The following DLGAP2 variants were observed in gnomAD, a reference collection of about 807,000 sequenced individuals.
DLGAP2 encodes disks large-associated protein 2.
A neutral mutation model predicts 100.3 loss-of-function variants in DLGAP2; 26 were observed. That is an observed-to-expected ratio of 0.26 (90% CI 0.19 to 0.36). The LOEUF is 0.36. Ranked by LOEUF, DLGAP2 falls within the 10% of genes least tolerant of loss-of-function variation. The pLI, the probability that DLGAP2 is intolerant of heterozygous loss-of-function variation, is 1.00. For synonymous variants in DLGAP2, 886 were observed against 630.1 expected, an observed-to-expected ratio of 1.41 and a Z score of -6.08; for missense variants, 1,858 against 1,453.2, an observed-to-expected ratio of 1.28 and a Z score of -4.53.
rs549808877 is a variant in DLGAP2, at chr8:980,907, G to T, written c.73+72941G>T. Among the ~76,000 whole-genome samples, 3 of 152,288 alleles carry T rather than the reference G, an allele frequency of 2.0e-5. No homozygotes were observed. In the South Asian group the frequency reaches 6.2e-4, roughly 32 times the overall value. ...TAGACTGAGGAGCTGAGACATTCGTGTGATAGTGGCAAAATGTACATAACA... is the reference window on the plus strand; with the variant it reads ...TAGACTGAGGAGCTGAGACATTCGTTTGATAGTGGCAAAATGTACATAACA... On this transcript the variant is annotated intron_variant, in intron 2 of 14. Coordinates refer to ENST00000637795, the MANE Select transcript of DLGAP2 (RefSeq NM_001346810.2).
chr8:1,624,709 G>A (rs192576088), intron 6 of DLGAP2, among the ~76,000 whole-genome samples: 3 of 152,072 alleles, frequency 2.0e-5, no homozygotes, highest in Admixed American at 6.6e-5. Flanking sequence ...TGCTGGTGCC[G>A]GTCCCCACAT....
chr8:950,534 C>G (rs191041747), intron 2 of DLGAP2, among the ~76,000 whole-genome samples: 17 of 152,002 alleles, frequency 1.1e-4, no homozygotes, highest in Admixed American at 9.2e-4. Context: ...ATTGTAAGAG[C>G]GAAATCTAAA....
At chr8:1,066,366 A>C (rs1049944643) in intron 2 of DLGAP2, among the ~76,000 whole-genome samples, 1 of 149,256 alleles carries the variant, frequency 6.7e-6, no homozygotes, top group African/African-American at 2.5e-5. Context: ...GGTCTGAGTG[A>C]GGACAGTTCC....
intron 1 of DLGAP2, among the ~76,000 whole-genome samples, chr8:792,999 T>C (rs1795949165): frequency 6.6e-6 from 1 of 152,228 alleles, no homozygotes; most frequent in Non-Finnish European, 1.5e-5. Context: ...TGAGATGATG[T>C]GAGCTTTAGT....
At chr8:1,139,958 G>C (rs1029326807) in intron 2 of DLGAP2, among the ~76,000 whole-genome samples, 6 of 152,194 alleles carry the variant, frequency 3.9e-5, no homozygotes, top group Non-Finnish European at 5.9e-5. Flanking sequence ...GCTTGAACTT[G>C]GATATTCTGG....
intron 3 of DLGAP2, among the ~76,000 whole-genome samples, chr8:1,330,565 G>A (rs1801129959): frequency 1.3e-5 from 2 of 149,622 alleles, no homozygotes; most frequent in South Asian, 4.3e-4. Context: ...GCTTCACAGG[G>A]ACTGAGTTCT....
intron 2 of DLGAP2, among the ~76,000 whole-genome samples, chr8:1,237,301 CTGTCTCACACAGAGCATCGTGTCTAGT>C (rs1798682311): frequency 7.6e-6 from 1 of 130,822 alleles, no homozygotes; most frequent in African/African-American, 3.4e-5. Flanking sequence ...ATGTCTAGTT[CTGTCTCACACAGAGCATCGTGTCTAGT>C]TCTCTCACAT....
intron 4 of DLGAP2, among the ~76,000 whole-genome samples, chr8:1,506,186 A>G (rs1445787937): frequency 6.6e-6 from 1 of 152,088 alleles, no homozygotes; most frequent in Non-Finnish European, 1.5e-5. Flanking sequence ...GTTAATACAT[A>G]TCTTGTCTCA....
At chr8:1,116,622 C>A (rs970206513) in intron 2 of DLGAP2, among the ~76,000 whole-genome samples, 3 of 151,952 alleles carry the variant, frequency 2.0e-5, no homozygotes, top group Non-Finnish European at 4.4e-5. Flanking sequence ...TTGGCAAAAC[C>A]CCATCTCTAC....
At chr8:1,295,865 GC>G (rs1800160875) in intron 3 of DLGAP2, among the ~76,000 whole-genome samples, 1 of 152,176 alleles carries the variant, frequency 6.6e-6, no homozygotes, top group African/African-American at 2.4e-5. Flanking sequence ...CATGGCACCT[GC>G]CTGGGAATTG....
chr8:1,093,233 A>G (rs1563187515), intron 2 of DLGAP2, among the ~76,000 whole-genome samples: 1 of 151,922 alleles, frequency 6.6e-6, no homozygotes, highest in Non-Finnish European at 1.5e-5. Context: ...CAACAGCCAG[A>G]CAGAAACACC....
intron 8 of DLGAP2, among the ~76,000 whole-genome samples, chr8:1,660,014 G>A (rs34834621): frequency 0.37 from 55,968 of 151,874 alleles, 10,546 homozygotes; most frequent in East Asian, 0.5. Context: ...TGGTTCATTC[G>A]GGAGCTCTTA....
chr8:969,284 C>T (rs1219897894), intron 2 of DLGAP2, among the ~76,000 whole-genome samples: 2 of 152,166 alleles, frequency 1.3e-5, no homozygotes, highest in East Asian at 1.9e-4. Flanking sequence ...TGGAACTTCA[C>T]AGTTGGCTCC....
intron 3 of DLGAP2, among the ~76,000 whole-genome samples, chr8:1,483,415 G>C (rs184301045): frequency 1.3e-5 from 2 of 152,142 alleles, no homozygotes; most frequent in African/African-American, 4.8e-5. Context: ...TTGGCTTGAC[G>C]GACCCAGAAG....
At chr8:815,472 C>T (rs1053155035) in intron 1 of DLGAP2, among the ~76,000 whole-genome samples, 1 of 152,132 alleles carries the variant, frequency 6.6e-6, no homozygotes, top group Non-Finnish European at 1.5e-5. Flanking sequence ...AGATAATTTC[C>T]CCAAATTGAG....
intron 2 of DLGAP2, among the ~76,000 whole-genome samples, chr8:1,145,402 G>A (rs1214602062): frequency 1.3e-5 from 2 of 152,198 alleles, no homozygotes; most frequent in African/African-American, 4.8e-5. Flanking sequence ...GTGGGGCCTG[G>A]GAGACCTGGC....
In DLGAP2 at chr8:1,561,930, C is replaced by T. The variant is rs546373526; in HGVS notation, c.1231-3753C>T. Among the ~76,000 whole-genome samples, 36 of 57,682 alleles carry T rather than the reference C, an allele frequency of 6.2e-4. 9 individuals are homozygous for T. Among genetic ancestry groups the T allele is most frequent in the Non-Finnish European group, 9.8e-4 (30 of 30,760 alleles). 37.8% of individuals were successfully genotyped at this position (57,682 alleles called of 152,430 possible). The stretch of plus-strand genomic sequence containing the variant: ...GTGTGGAGTTGGGGTGTCCGCGCCT[C>T]GTTGCTGCGGGACTGTGTGGTGTTG... On this transcript the variant is annotated intron_variant, in intron 5 of 14. Transcript: ENST00000637795.
At chr8:1,172,457 T>C (rs1797149367) in intron 2 of DLGAP2, among the ~76,000 whole-genome samples, 1 of 152,170 alleles carries the variant, frequency 6.6e-6, no homozygotes, top group Admixed American at 6.5e-5. Flanking sequence ...GAAGTTCTCC[T>C]GGATAATATC....
intron 2 of DLGAP2, chr8:1,018,729 A>G (rs1801543570): frequency 6.6e-6 from 1 of 152,240 alleles, no homozygotes; most frequent in Non-Finnish European, 1.5e-5. Flanking sequence ...ATCAACTGGA[A>G]ATATTTTGTT....
Sources: allele counts gnomAD v4.1 joint callset (sites outside exome capture counted in the v4.1 genomes callset), GRCh38; gene constraint gnomAD v4.1.1; transcripts MANE v1.5; gene names NCBI Gene and HGNC (gene_info 2026-07-23, HGNC 2026-07-21).